MARCHF3: variants seen among roughly 807,000 people sequenced by gnomAD.
MARCHF3 encodes the protein membrane associated ring-CH-type finger 3.
A neutral mutation model predicts 24.2 loss-of-function variants in MARCHF3; 13 were observed. That is an observed-to-expected ratio of 0.54 (90% confidence interval 0.35 to 0.85). The LOEUF is 0.85. Ranked by LOEUF, MARCHF3 falls within the 40% of genes least tolerant of loss-of-function variation. MARCHF3 has a pLI of 0.01. For synonymous variants in MARCHF3, 144 were observed against 137.3 expected (o/e 1.05, Z -0.34); for missense variants, 276 against 325.0 (o/e 0.85, Z 1.16).
intron 1 of MARCHF3, among the ~76,000 whole-genome samples, chr5:126,952,676 T>C (rs538367265): frequency 6.6e-6 from 1 of 152,318 alleles, no homozygotes; most frequent in East Asian, 1.9e-4. Context: ...TTAAATAATA[T>C]GCCTAAACGT....
intron 1 of MARCHF3, among the ~76,000 whole-genome samples, chr5:127,010,772 A>G (rs905445028): frequency 6.6e-6 from 1 of 152,340 alleles, no homozygotes; most frequent in East Asian, 1.9e-4. Flanking sequence ...AAACATGAGT[A>G]AACCTTCAGG....
At chr5:126,880,760 C>A (rs186306281) in intron 3 of MARCHF3, among the ~76,000 whole-genome samples, 1 of 152,270 alleles carries the variant, frequency 6.6e-6, no homozygotes, top group East Asian at 1.9e-4. Context: ...CAAACCAACC[C>A]AATTCTCCTC....
intron 3 of MARCHF3, 131 bp downstream of exon 3, chr5:126,914,799 C>CACAT: frequency 1.3e-6 from 1 of 773,100 alleles, no homozygotes; most frequent in Non-Finnish European, 2.2e-6. Flanking sequence ...CACACACACA[C>CACAT]ACACACACAC....
At chr5:126,890,183 C>T (rs1339398264) in intron 3 of MARCHF3, among the ~76,000 whole-genome samples, 2 of 152,036 alleles carry the variant, frequency 1.3e-5, no homozygotes, top group Non-Finnish European at 2.9e-5. Context: ...GCTGGTCTTA[C>T]TTCCTTTGAT....
intron 1 of MARCHF3, among the ~76,000 whole-genome samples, chr5:126,978,256 C>T (rs1751270257): frequency 1.3e-5 from 2 of 152,270 alleles, no homozygotes; most frequent in Admixed American, 1.3e-4. Context: ...TACATGTGAC[C>T]TAAAGGCCAG....
At chr5:126,947,028 T>C (rs1359849387) in intron 1 of MARCHF3, among the ~76,000 whole-genome samples, 1 of 152,212 alleles carries the variant, frequency 6.6e-6, no homozygotes, top group Admixed American at 6.5e-5. Flanking sequence ...CATATCCAAT[T>C]TGCCCTTTGG....
chr5:127,010,594 C>T (rs1179428631), intron 1 of MARCHF3, among the ~76,000 whole-genome samples: 1 of 152,148 alleles, frequency 6.6e-6, no homozygotes, highest in Non-Finnish European at 1.5e-5. Context: ...CTGTGAGAGC[C>T]GAGCTTCCAA....
At chr5:126,928,150 CATTT>C (rs1301787644) in intron 1 of MARCHF3, among the ~76,000 whole-genome samples, 5 of 152,194 alleles carry the variant, frequency 3.3e-5, no homozygotes, top group African/African-American at 4.8e-5. Context: ...GGAGCTCATT[CATTT>C]GTTTTATGGG....
intron 2 of MARCHF3, 21 bp downstream of exon 2, chr5:126,917,963 T>C: frequency 6.2e-7 from 1 of 1,606,478 alleles, no homozygotes; most frequent in Non-Finnish European, 8.5e-7. Flanking sequence ...ACAGATTCAT[T>C]TATTTTAATT....
At chr5:126,929,360 T>C (rs1348935421) in intron 1 of MARCHF3, among the ~76,000 whole-genome samples, 1 of 152,196 alleles carries the variant, frequency 6.6e-6, no homozygotes, top group African/African-American at 2.4e-5. Context: ...GCAAGTAATG[T>C]ATGGCGGTCC....
intron 1 of MARCHF3, among the ~76,000 whole-genome samples, chr5:126,988,487 G>C (rs1441323488): frequency 1.3e-5 from 2 of 152,176 alleles, no homozygotes; most frequent in Admixed American, 1.3e-4. Flanking sequence ...TGAAGACACA[G>C]ACAATTCAGA....
intron 1 of MARCHF3, among the ~76,000 whole-genome samples, chr5:126,991,399 G>C (rs897082270): frequency 3.3e-5 from 5 of 152,178 alleles, no homozygotes; most frequent in African/African-American, 1.2e-4. Flanking sequence ...GGCCTGTTAG[G>C]GGGTGGGAGT....
rs1753680182 is a variant in MARCHF3, at chr5:126,891,291, A to C, written c.394-12897T>G. ...TTGCTGTGCAGAAGCTCTTTAGTTTAATTAGATCCCATTTGTCAATTTTGG... is the reference window on the plus strand; with the variant it reads ...TTGCTGTGCAGAAGCTCTTTAGTTTCATTAGATCCCATTTGTCAATTTTGG... On this transcript the variant is annotated intron_variant, in intron 3 of 4. Coordinates refer to ENST00000308660, the MANE Select transcript of MARCHF3 (RefSeq NM_178450.5). 2.0e-5 allele frequency among the ~76,000 whole-genome samples: 3 copies of C among 149,314 alleles called. No homozygotes were observed. The South Asian group carries it at 6.4e-4, about 32-fold the overall frequency.
intron 1 of MARCHF3, among the ~76,000 whole-genome samples, chr5:126,976,066 A>C (rs940117135): frequency 3.3e-5 from 5 of 152,014 alleles, no homozygotes; most frequent in Non-Finnish European, 5.9e-5. Flanking sequence ...TTTTTTTCCT[A>C]CTTAGGATAA....
intron 3 of MARCHF3, among the ~76,000 whole-genome samples, chr5:126,898,503 A>G (rs1754000093): frequency 6.6e-6 from 1 of 152,144 alleles, no homozygotes; most frequent in Admixed American, 6.6e-5. Flanking sequence ...AAAATATTGG[A>G]GCCATTTATT....
intron 1 of MARCHF3, among the ~76,000 whole-genome samples, chr5:127,009,926 C>A (rs754977769): frequency 3.3e-5 from 5 of 152,140 alleles, no homozygotes; most frequent in Non-Finnish European, 5.9e-5. Context: ...TCCCTGCCTA[C>A]AAGAAGGAAT....
chr5:126,938,715 T>C (rs10055771), intron 1 of MARCHF3, among the ~76,000 whole-genome samples: 18 of 152,204 alleles, frequency 1.2e-4, no homozygotes, highest in Admixed American at 1.3e-4. Context: ...ATTTAATTTT[T>C]CCCCCATAGC....
rs779454094 is a variant in MARCHF3 at position 126,966,905 on chromosome 5, CTTTTTTTTTTTTTTTTTTTTTTTTTTTT to C, written c.-56-48706_-56-48679del. On this transcript the variant is annotated intron_variant, in intron 1 of 4. Transcript: ENST00000308660. ...TTCTCTCTTGTTGGGCTGTGAGAGC[CTTTTTTTTTTTTTTTTTTTTTTTTTTTT>C]TTTTTTTTTTTTGCTATTACCTATT... 2.2e-3 allele frequency among the ~76,000 whole-genome samples: 10 copies of C among 4,486 alleles called. No individual in the cohort carries two copies. In the Admixed American group the frequency reaches 0.033, roughly 15 times the overall value. The allele number at this position is 4,486 out of a possible 152,430, so 2.9% of individuals were successfully genotyped here. A position where few individuals can be genotyped will look rare whatever the true frequency, so the allele number is the denominator to read the frequency against.
chr5:126,969,652 A>G lies in MARCHF3; in HGVS notation c.-56-51425T>C, dbSNP rs375191927. Among the ~76,000 whole-genome samples the G allele has an allele frequency of 2.6e-4, 39 of 152,336 alleles. 1 individual carries two copies. Among genetic ancestry groups the G allele is most frequent in the African/African-American group, 9.4e-4 (39 of 41,580 alleles). On this transcript the variant is annotated intron_variant, in intron 1 of 4. Coordinates refer to ENST00000308660, the MANE Select transcript of MARCHF3 (RefSeq NM_178450.5). Reference sequence around the variant, plus strand: ...TCATTTGCAGACATAACCACAAACCATCAGTTGCTGGTTGACAGTTTGTTC... The same window carrying G: ...TCATTTGCAGACATAACCACAAACCGTCAGTTGCTGGTTGACAGTTTGTTC...
Sources: allele counts gnomAD v4.1 joint callset (sites outside exome capture counted in the v4.1 genomes callset), GRCh38; gene constraint gnomAD v4.1.1; transcripts MANE v1.5; gene names NCBI Gene and HGNC (gene_info 2026-07-23, HGNC 2026-07-21).